The following ANXA11 variants were observed in gnomAD, a reference collection of about 807,000 sequenced individuals.
ANXA11 encodes the protein 56 kDa autoantigen.
A neutral mutation model predicts 64.7 loss-of-function variants in ANXA11; 57 were observed. The ratio of observed to expected loss-of-function variants is 0.88; its 90% confidence interval spans 0.71 to 1.10. The LOEUF (loss-of-function observed/expected upper bound fraction) is 1.10. Among genes scored for constraint, ANXA11 ranks in the 50% least tolerant of loss-of-function variants. ANXA11 has a pLI of 0.00. For missense variants in ANXA11, 675 were observed against 670.7 expected (o/e 1.01, Z -0.07); for synonymous variants, 260 against 265.2 (o/e 0.98, Z 0.19).
In ANXA11 at chr10:80,173,847, A is replaced by G. The variant is rs550502032; in HGVS notation, c.-8-978T>C. 3.3e-5 allele frequency among the ~76,000 whole-genome samples: 5 copies of G among 152,338 alleles called. No homozygotes were observed. In the South Asian group the frequency reaches 1.0e-3, roughly 32 times the overall value. On this transcript the variant is annotated intron_variant, in intron 2 of 15. Coordinates refer to ENST00000422982, the MANE Select transcript of ANXA11 (RefSeq NM_145868.2). ...TGGGTTTCACGCTGCAATGCATATC[A>G]GAATCACCTGATGGGATTGTTAAAA...
intron 8 of ANXA11, 137 bp downstream of exon 8, chr10:80,165,947 A>G: frequency 2.0e-6 from 1 of 501,612 alleles, no homozygotes; most frequent in Non-Finnish European, 3.5e-6. Flanking sequence ...CATACTGACA[A>G]CAGCAGCTAA....
In ANXA11 at chr10:80,155,539, T is replaced by G; in HGVS notation, c.*314A>C. 5.4e-6 allele frequency: 2 copies of G among 370,812 alleles called. No individual in the cohort carries two copies. The highest frequency in any genetic ancestry group is 1.0e-4 in the South Asian group (2 of 19,738). 23.0% of individuals were successfully genotyped at this position (370,812 alleles called of 1,614,324 possible). A position where few individuals can be genotyped will look rare whatever the true frequency, so the allele number is the denominator to read the frequency against. On this transcript the variant is annotated 3_prime_UTR_variant, in exon 16 of 16. Coordinates refer to ENST00000422982, the MANE Select transcript of ANXA11 (RefSeq NM_145868.2). The stretch of plus-strand genomic sequence containing the variant: ...TATGCCTCCAAATAAAAATATACAA[T>G]TACATGACGAAATGAAGCCAAGTCT...
chr10:80,183,605 A>G (rs923389579), intron 1 of ANXA11, among the ~76,000 whole-genome samples: 5 of 152,224 alleles, frequency 3.3e-5, no homozygotes, highest in Non-Finnish European at 5.9e-5. Flanking sequence ...AGCTGACGAC[A>G]AAACCTGACA....
At chr10:80,166,336 A>G in intron 7 of ANXA11, 139 bp from the exon 8 acceptor site, 1 of 598,452 alleles carries the variant, frequency 1.7e-6, no homozygotes, top group Non-Finnish European at 3.0e-6. Flanking sequence ...CTGAGAGAAA[A>G]GCCTGCTCTC....
In ANXA11 at chr10:80,154,260, CCTGG is replaced by C. The variant is rs1270308638; in HGVS notation, c.*1589_*1592del. Reference sequence around the variant, plus strand: ...GGGATTACAGGAATGTGCCACCATGCCTGGCTAATTTTTGTATTTTTAGTAGAGA... The same window carrying C: ...GGGATTACAGGAATGTGCCACCATGCCTAATTTTTGTATTTTTAGTAGAGA... On this transcript the variant is annotated 3_prime_UTR_variant, in exon 16 of 16. Coordinates refer to ENST00000422982, the MANE Select transcript of ANXA11 (RefSeq NM_145868.2). 6.6e-6 allele frequency: 1 copy of C among 152,162 alleles called. No homozygotes were observed. The highest frequency in any genetic ancestry group is 1.5e-5 in the Non-Finnish European group (1 of 68,082). 9.4% of individuals were successfully genotyped at this position (152,162 alleles called of 1,614,324 possible).
chr10:80,158,574 G>A (rs542769171), intron 13 of ANXA11, among the ~76,000 whole-genome samples: 41 of 152,306 alleles, frequency 2.7e-4, no homozygotes, highest in Admixed American at 2.7e-3. Context: ...AGAAAGAGGG[G>A]TTGTGAGGGC....
chr10:80,157,501 G>A, intron 15 of ANXA11, 140 bp downstream of exon 15: 3 of 1,478,604 alleles, frequency 2.0e-6, no homozygotes, highest in East Asian at 2.4e-5. Flanking sequence ...AAGGGCAAGG[G>A]GATGAACAAG....
At chr10:80,167,086 G>T in intron 6 of ANXA11, 102 bp from the exon 7 acceptor site, 1 of 1,268,522 alleles carries the variant, frequency 7.9e-7, no homozygotes, top group Non-Finnish European at 1.1e-6. Flanking sequence ...GGGCATGCTA[G>T]CCATACCCCC....
chr10:80,158,107 T>G, intron 13 of ANXA11, 82 bp from the exon 14 acceptor site: 9 of 1,323,024 alleles, frequency 6.8e-6, no homozygotes, highest in Non-Finnish European at 9.8e-6. Flanking sequence ...AGTGTCCTCT[T>G]AGAGGCCCAG....
chr10:80,204,572 G>C (rs1424477224), intron 1 of ANXA11, among the ~76,000 whole-genome samples: 1 of 152,230 alleles, frequency 6.6e-6, no homozygotes, highest in Non-Finnish European at 1.5e-5. Flanking sequence ...CGGGCTGACT[G>C]TTTCCAGCTT....
chr10:80,157,759 G>C lies in ANXA11; in HGVS notation c.1340C>G (p.Ala447Gly). 2 of 1,612,970 alleles carry C rather than the reference G, an allele frequency of 1.2e-6. No individual in the cohort carries two copies. The highest frequency in any genetic ancestry group is 1.7e-6 in the Non-Finnish European group (2 of 1,179,404). The change falls in exon 15 of 16, where the codon GCA becomes GGA. Residue 447 changes from alanine to glycine, a missense_variant. Physicochemically the swap from Ala to Gly is moderately conservative, Grantham distance 60 (BLOSUM62 0). Coordinates refer to ENST00000422982, the MANE Select transcript of ANXA11 (RefSeq NM_145868.2). The part of the protein sequence containing the change: ...AERLNKAMRG[A>G]GTKDRTLIRI... Reference sequence around the variant, plus strand: ...AATCAGGGTCCGGTCCTTTGTTCCTGCCCCCTAAAGAGAGTCCACCCAAGA... The same window carrying C: ...AATCAGGGTCCGGTCCTTTGTTCCTCCCCCCTAAAGAGAGTCCACCCAAGA...
chr10:80,162,528 G>A (rs1845555494), intron 11 of ANXA11, among the ~76,000 whole-genome samples: 1 of 152,244 alleles, frequency 6.6e-6, no homozygotes, highest in Non-Finnish European at 1.5e-5. Context: ...TCCGGGCTCT[G>A]CTTCTAGCTT....
At chr10:80,163,961 G>T in intron 9 of ANXA11, 92 bp downstream of exon 9, 3 of 1,123,176 alleles carry the variant, frequency 2.7e-6, no homozygotes, top group Non-Finnish European at 2.6e-6. Flanking sequence ...CCAGGAAGGA[G>T]TAAAAGGCCC....
At position 80,155,900 on chromosome 10, in the gene ANXA11, C is replaced by T. The variant is rs777207980; in HGVS notation, c.1471G>A (p.Gly491Arg). Residue 491 changes from glycine (G) to arginine (R), a missense_variant, in exon 16 of 16, where the codon GGG becomes AGG. Physicochemically the swap from Gly to Arg is moderately radical, Grantham distance 125. Coordinates refer to ENST00000422982, the MANE Select transcript of ANXA11 (RefSeq NM_145868.2). ...LYHDISGDTS[G>R]DYRKILLKIC... ...TTCAGCAGAATCTTCCGGTAATCCC[C>T]TGAAGTATCTCCCTGGCCACAGAAA... 4.3e-6 allele frequency: 7 copies of T among 1,614,084 alleles called. No individual in the cohort carries two copies. The East Asian group carries it at 1.3e-4, about 31-fold the overall frequency.
intron 1 of ANXA11, among the ~76,000 whole-genome samples, chr10:80,194,077 A>AT (rs1166793095): frequency 8.6e-5 from 13 of 152,040 alleles, no homozygotes; most frequent in Admixed American, 2.0e-4. Context: ...ACAGGCATAT[A>AT]TTTTTTAGGG....
chr10:80,193,496 T>C (rs1301276230), intron 1 of ANXA11, among the ~76,000 whole-genome samples: 1 of 152,178 alleles, frequency 6.6e-6, no homozygotes, highest in Non-Finnish European at 1.5e-5. Context: ...AACATATATA[T>C]GAATTATAAA....
intron 8 of ANXA11, among the ~76,000 whole-genome samples, chr10:80,165,488 C>G (rs562718564): frequency 6.6e-6 from 1 of 152,314 alleles, no homozygotes; most frequent in Admixed American, 6.5e-5. Context: ...CCCTGCTGGT[C>G]TCTTCTGGAG....
chr10:80,196,060 A>C (rs1219638537), intron 1 of ANXA11, among the ~76,000 whole-genome samples: 1 of 152,162 alleles, frequency 6.6e-6, no homozygotes, highest in Non-Finnish European at 1.5e-5. Context: ...CACTTGTCCT[A>C]AAATGTTTTC....
At chr10:80,161,511 C>T (rs548663671) in intron 12 of ANXA11, among the ~76,000 whole-genome samples, 2 of 152,400 alleles carry the variant, frequency 1.3e-5, no homozygotes, top group South Asian at 4.1e-4. Context: ...CCCTGCCCCC[C>T]ACCGTGGCCC....
Sources: allele counts gnomAD v4.1 joint callset (sites outside exome capture counted in the v4.1 genomes callset), GRCh38; gene constraint gnomAD v4.1.1; transcripts MANE v1.5; gene names NCBI Gene and HGNC (gene_info 2026-07-23, HGNC 2026-07-21).